The following EXOC6B variants were observed in gnomAD, a reference collection of about 807,000 sequenced individuals.
EXOC6B encodes the protein SEC15 homolog B.
Under a neutral mutation model 113.5 loss-of-function variants are expected in EXOC6B, and 54 were observed. The observed-to-expected ratio is 0.48, with a 90% CI of 0.38 to 0.60. The LOEUF is 0.60. EXOC6B is among the 20% of genes least tolerant of loss of function. The pLI, the probability that EXOC6B is intolerant of heterozygous loss-of-function variation, is 0.00. For missense variants in EXOC6B, 797 were observed against 977.5 expected, an observed-to-expected ratio of 0.82 and a Z score of 2.46; for synonymous variants, 357 against 339.0, an observed-to-expected ratio of 1.05 and a Z score of -0.58.
chr2:72,198,901 A>T (rs1324295769), intron 20 of EXOC6B, among the ~76,000 whole-genome samples: 2 of 152,200 alleles, frequency 1.3e-5, no homozygotes, highest in Non-Finnish European at 2.9e-5. Context: ...ACCATATTTA[A>T]ATCCTGGTAT....
chr2:72,559,490 G>C lies in EXOC6B; in HGVS notation c.878C>G (p.Ser293Cys). 1 of 1,612,970 alleles carries C rather than the reference G, an allele frequency of 6.2e-7. No homozygotes were observed. ...TATATGTAGACATCGATAAACTGGA[G>C]AGAAATCCACCAAATCTTGGGCCCC... ...VPGAQDLVDF[S>C]PVYRCLHIYS... Residue 293 changes from serine (S) to cysteine (C), a missense_variant, in exon 8 of 22, where the codon TCT (serine) becomes TGT (cysteine). Physicochemically the swap from Ser to Cys is moderately radical, Grantham distance 112. Coordinates refer to ENST00000272427, the MANE Select transcript of EXOC6B (RefSeq NM_015189.3).
In EXOC6B at chr2:72,179,132, G is replaced by C. The variant is rs1022155032; in HGVS notation, c.*203C>G. ...TAGTAATAACTTCCCCTGAGTCCCA[G>C]CCTAGCAACATCTCATGTACTTGCT... On this transcript the variant is annotated 3_prime_UTR_variant, in exon 22 of 22. Transcript: ENST00000272427. 1 of 565,606 alleles carries C rather than the reference G, an allele frequency of 1.8e-6. No homozygotes were observed. 35.0% of individuals were successfully genotyped at this position (565,606 alleles called of 1,614,324 possible).
intron 5 of EXOC6B, chr2:72,722,082 G>A (rs999696178): frequency 6.7e-6 from 1 of 148,758 alleles, no homozygotes; most frequent in Admixed American, 6.7e-5. Context: ...TATAAATTAT[G>A]AACATGTATG....
chr2:72,282,503 T>TA (rs912960082), intron 20 of EXOC6B, among the ~76,000 whole-genome samples: 68 of 145,748 alleles, frequency 4.7e-4, no homozygotes, highest in South Asian at 4.4e-3. Flanking sequence ...AGGAAAAAGT[T>TA]AAAAAAAAAA....
intron 1 of EXOC6B, among the ~76,000 whole-genome samples, chr2:72,757,075 T>C (rs1053953935): frequency 6.6e-6 from 1 of 152,234 alleles, no homozygotes; most frequent in East Asian, 1.9e-4. Flanking sequence ...TAAATAAACA[T>C]GTATTGCTTT....
At chr2:72,342,077 C>T (rs745895401) in intron 19 of EXOC6B, among the ~76,000 whole-genome samples, 7 of 151,832 alleles carry the variant, frequency 4.6e-5, no homozygotes, top group African/African-American at 7.3e-5. Flanking sequence ...TTAAGGGATG[C>T]ATAAAAAGCA....
At chr2:72,602,888 A>T (rs184398834) in intron 6 of EXOC6B, among the ~76,000 whole-genome samples, 1 of 152,312 alleles carries the variant, frequency 6.6e-6, no homozygotes, top group Admixed American at 6.5e-5. Context: ...ATGTCTAAAA[A>T]TGACAGCTTC....
Position 72,554,506 on chromosome 2 carries a change from G to A in EXOC6B, c.915+4947C>T, listed in dbSNP as rs1703423371. Among the ~76,000 whole-genome samples, 3 of 152,112 alleles carry A rather than the reference G, an allele frequency of 2.0e-5. 1 individual carries two copies. Among genetic ancestry groups the A allele is most frequent in the South Asian group, 4.2e-4 (2 of 4,816 alleles). ...TCACAAGATCTGATGGTTTTAAAAT[G>A]GCAATTTTTCCTGTCCTCACATTCA... On this transcript the variant is annotated intron_variant, in intron 8 of 21. Coordinates refer to ENST00000272427, the MANE Select transcript of EXOC6B (RefSeq NM_015189.3).
intron 20 of EXOC6B, among the ~76,000 whole-genome samples, chr2:72,251,064 G>A (rs190469469): frequency 1.7e-5 from 2 of 120,908 alleles, no homozygotes; most frequent in Admixed American, 8.9e-5. Flanking sequence ...GGGAGCTCAC[G>A]TAATCTGCCC....
At chr2:72,445,763 G>A (rs1242420291) in intron 18 of EXOC6B, among the ~76,000 whole-genome samples, 2 of 152,034 alleles carry the variant, frequency 1.3e-5, no homozygotes, top group Non-Finnish European at 2.9e-5. Context: ...ACAACACATG[G>A]GAATTCAAGA....
At chr2:72,211,102 A>G (rs569122038) in intron 20 of EXOC6B, among the ~76,000 whole-genome samples, 6 of 152,248 alleles carry the variant, frequency 3.9e-5, no homozygotes, top group African/African-American at 1.4e-4. Flanking sequence ...CCTGAAATGC[A>G]TCCTATCTTC....
intron 16 of EXOC6B, among the ~76,000 whole-genome samples, chr2:72,488,955 G>T (rs1699586344): frequency 6.6e-6 from 1 of 152,128 alleles, no homozygotes; most frequent in African/African-American, 2.4e-5. Context: ...AAACTAACCA[G>T]TTGCTTCTCT....
chr2:72,684,511 C>T (rs187392137), intron 6 of EXOC6B, among the ~76,000 whole-genome samples: 3 of 152,120 alleles, frequency 2.0e-5, no homozygotes, highest in South Asian at 4.1e-4. Flanking sequence ...CACAAAAAAA[C>T]CTTGTATAAG....
chr2:72,258,343 T>G (rs989916445), intron 20 of EXOC6B, among the ~76,000 whole-genome samples: 1 of 151,606 alleles, frequency 6.6e-6, no homozygotes, highest in Non-Finnish European at 1.5e-5. Context: ...TGCTTTTATT[T>G]TTTATTTTTA....
At chr2:72,339,915 A>T (rs1320748825) in intron 19 of EXOC6B, among the ~76,000 whole-genome samples, 2 of 152,178 alleles carry the variant, frequency 1.3e-5, no homozygotes, top group Non-Finnish European at 2.9e-5. Context: ...TATATATGAG[A>T]TATGGTAATT....
intron 17 of EXOC6B, among the ~76,000 whole-genome samples, chr2:72,467,294 T>C (rs1271859817): frequency 6.6e-6 from 1 of 152,200 alleles, no homozygotes; most frequent in Non-Finnish European, 1.5e-5. Flanking sequence ...ACAATGAACA[T>C]AAAAGTGCAG....
At chr2:72,749,047 T>C (rs1328622549) in intron 1 of EXOC6B, among the ~76,000 whole-genome samples, 1 of 152,154 alleles carries the variant, frequency 6.6e-6, no homozygotes, top group Non-Finnish European at 1.5e-5. Context: ...CTTCACTTTG[T>C]CCTTTGTATC....
chr2:72,196,804 A>C (rs1679200112), intron 20 of EXOC6B, among the ~76,000 whole-genome samples: 1 of 152,198 alleles, frequency 6.6e-6, no homozygotes. Context: ...TTTACTAATT[A>C]GTTTTTATGT....
intron 20 of EXOC6B, among the ~76,000 whole-genome samples, chr2:72,283,756 T>A (rs1360704358): frequency 6.6e-6 from 1 of 152,076 alleles, no homozygotes; most frequent in Non-Finnish European, 1.5e-5. Context: ...ATCCCTAACT[T>A]ACTGTGATTT....
Sources: allele counts gnomAD v4.1 joint callset (sites outside exome capture counted in the v4.1 genomes callset), GRCh38; gene constraint gnomAD v4.1.1; transcripts MANE v1.5; gene names NCBI Gene and HGNC (gene_info 2026-07-23, HGNC 2026-07-21).